The following PKN3 variants were observed in gnomAD, a reference collection of about 807,000 sequenced individuals.
PKN3 encodes protein kinase N3, also known as serine/threonine-protein kinase N3.
PKN3 carries 91 observed loss-of-function variants against 113.1 expected under a neutral mutation model. That is an observed-to-expected ratio of 0.80 (90% CI 0.68 to 0.96). The LOEUF is 0.96. Among genes scored for constraint, PKN3 ranks in the 40% least tolerant of loss-of-function variants. PKN3 has a pLI of 0.00. For missense variants in PKN3, 1,052 were observed against 1,202.2 expected, an observed-to-expected ratio of 0.88 and a Z score of 1.85; for synonymous variants, 467 against 499.0, an observed-to-expected ratio of 0.94 and a Z score of 0.85.
In PKN3 at chr9:128,720,795, C is replaced by A; in HGVS notation, c.*189C>A. 1.6e-6 allele frequency: 1 copy of A among 612,854 alleles called. No homozygotes were observed. Among genetic ancestry groups the A allele is most frequent in the Non-Finnish European group, 2.9e-6 (1 of 348,070 alleles). The allele number at this position is 612,854 out of a possible 1,614,324, so 38.0% of individuals were successfully genotyped here. ...TCACTGGGCAAAGTGTGTCCCTTCC[C>A]CCTCCAGCTCGCCCTCTTCTACCTC... On this transcript the variant is annotated 3_prime_UTR_variant, in exon 22 of 22. Coordinates refer to ENST00000291906, the MANE Select transcript of PKN3 (RefSeq NM_013355.5). The surrounding 1 kb of genome is among the most constrained non-coding windows in gnomAD (Gnocchi z 5.5).
At chr9:128,708,806 G>A (rs1452393302) in intron 6 of PKN3, among the ~76,000 whole-genome samples, 1 of 150,582 alleles carries the variant, frequency 6.6e-6, no homozygotes, top group Non-Finnish European at 1.5e-5. Flanking sequence ...TTGCACTGTT[G>A]CACTCCAGCG....
intron 6 of PKN3, among the ~76,000 whole-genome samples, chr9:128,709,061 G>A (rs1270670905): frequency 9.2e-5 from 14 of 151,906 alleles, no homozygotes; most frequent in South Asian, 2.1e-4. Flanking sequence ...CGAGGCGGGC[G>A]GATCACGAGG....
chr9:128,702,909 C>T lies in PKN3; in HGVS notation c.-7C>T, dbSNP rs1183306605. 6.8e-7 allele frequency: 1 copy of T among 1,481,314 alleles called. No homozygotes were observed. Among genetic ancestry groups the T allele is most frequent in the African/African-American group, 1.5e-5 (1 of 68,134 alleles). The allele number at this position is 1,481,314 out of a possible 1,614,324, so 91.8% of individuals were successfully genotyped here. A position where few individuals can be genotyped will look rare whatever the true frequency, so the allele number is the denominator to read the frequency against. ...AGAGAAGGGCCCCAAGCGGCCGGAGCGGCGCCATGGAGGAGGGGGCGCCGC... is the reference window on the plus strand; with the variant it reads ...AGAGAAGGGCCCCAAGCGGCCGGAGTGGCGCCATGGAGGAGGGGGCGCCGC... On this transcript the variant is annotated 5_prime_UTR_variant, in exon 1 of 22. Coordinates refer to ENST00000291906, the MANE Select transcript of PKN3 (RefSeq NM_013355.5).
At position 128,720,306 on chromosome 9, in the gene PKN3, G is replaced by T; in HGVS notation, c.2457+23G>T. On this transcript the variant is annotated intron_variant, in intron 21 of 21. Transcript: ENST00000291906. The surrounding 1 kb of genome is among the most constrained non-coding windows in gnomAD (Gnocchi z 5.5). Reference sequence around the variant, plus strand: ...AGGGTGAGCGGCTGGGGTGGCGGTGGTCCCCTGTGCCTGGCAGGGTAGGTG... The same window carrying T: ...AGGGTGAGCGGCTGGGGTGGCGGTGTTCCCCTGTGCCTGGCAGGGTAGGTG... 6.2e-7 allele frequency: 1 copy of T among 1,613,066 alleles called. No individual in the cohort carries two copies. The highest frequency in any genetic ancestry group is 8.5e-7 in the Non-Finnish European group (1 of 1,179,366).
chr9:128,705,718 A>G lies in PKN3; in HGVS notation c.266-16A>G. 1 of 1,594,498 alleles carries G rather than the reference A, an allele frequency of 6.3e-7. No individual in the cohort carries two copies. On this transcript the variant is annotated splice_polypyrimidine_tract_variant and intron_variant, in intron 2 of 21. Coordinates refer to ENST00000291906, the MANE Select transcript of PKN3 (RefSeq NM_013355.5). Reference sequence around the variant, plus strand: ...TCTGGGTGAGGGACTCCTGTGCTCGATACCCCCGTGCACAGAGCCTGTGGC... The same window carrying G: ...TCTGGGTGAGGGACTCCTGTGCTCGGTACCCCCGTGCACAGAGCCTGTGGC...
rs1320041925 is a variant in PKN3, at chr9:128,720,794, C to G, written c.*188C>G. ...GTCACTGGGCAAAGTGTGTCCCTTC[C>G]CCCTCCAGCTCGCCCTCTTCTACCT... On this transcript the variant is annotated 3_prime_UTR_variant, in exon 22 of 22. Transcript: ENST00000291906. The surrounding 1 kb of genome is among the most constrained non-coding windows in gnomAD (Gnocchi z 5.5). 4.9e-6 allele frequency: 3 copies of G among 614,432 alleles called. No individual in the cohort carries two copies. In the African/African-American group the frequency reaches 5.5e-5, roughly 11 times the overall value. 38.1% of individuals were successfully genotyped at this position (614,432 alleles called of 1,614,324 possible).
chr9:128,707,104 C>A, intron 5 of PKN3, 81 bp downstream of exon 5: 1 of 1,594,814 alleles, frequency 6.3e-7, no homozygotes, highest in Non-Finnish European at 8.6e-7. Flanking sequence ...GGAGGGTGGC[C>A]GTGTAAAAGC....
chr9:128,703,809 C>T (rs957507757), intron 1 of PKN3: 1 of 985,326 alleles, frequency 1.0e-6, no homozygotes, highest in Admixed American at 6.1e-5. Context: ...CCCCTCCCAC[C>T]CCCTTCCTCT....
chr9:128,703,330 G>C, intron 1 of PKN3: 3 of 977,196 alleles, frequency 3.1e-6, no homozygotes, highest in East Asian at 1.1e-4. Context: ...GGCCTGGGGG[G>C]GTTAGAATGT....
rs374331102 is a variant in PKN3 at position 128,705,758 on chromosome 9, C to T, written c.290C>T (p.Pro97Leu). The change falls in exon 3 of 22, where the codon CCG becomes CTG. Residue 97 changes from proline to leucine, a missense_variant. Around this residue, in one of 2 missense-constraint regions of PKN3, gnomAD observed 719 missense variants for 759.4 expected, o/e 0.95. Coordinates refer to ENST00000291906, the MANE Select transcript of PKN3 (RefSeq NM_013355.5). ...GAGCCTGTGGCCTCAGGACCCCGGC[C>T]GTGGGCAGAGCAGCTCAGGGCTCGG... Reference protein sequence around the residue: ...PAEPVASGPRPWAEQLRARHL... With the variant: ...PAEPVASGPRLWAEQLRARHL... 51 of 1,607,628 alleles carry T rather than the reference C, an allele frequency of 3.2e-5. 1 individual carries two copies. The highest frequency in any genetic ancestry group is 2.5e-4 in the South Asian group (22 of 89,582).
chr9:128,703,622 G>A (rs1382688003), intron 1 of PKN3: 6 of 985,420 alleles, frequency 6.1e-6, no homozygotes, highest in Admixed American at 1.2e-4. Context: ...TGGGAGGGGG[G>A]CATTTGCGGA....
intron 16 of PKN3, among the ~76,000 whole-genome samples, chr9:128,717,861 TAAAAAAA>T (rs67487928): frequency 1.0e-5 from 1 of 97,860 alleles, no homozygotes; most frequent in African/African-American, 4.1e-5. Flanking sequence ...CTATAAAAAC[TAAAAAAA>T]AAAAAAAAAA....
chr9:128,709,005 G>T (rs1034807031), intron 6 of PKN3, among the ~76,000 whole-genome samples: 4 of 151,854 alleles, frequency 2.6e-5, no homozygotes, highest in Non-Finnish European at 4.4e-5. Context: ...TACAAAAATC[G>T]CCGGGCGCGG....
Position 128,714,277 on chromosome 9 carries a change from T to C in PKN3, c.1393T>C (p.Cys465Arg). ...CCTCGTCATGAACCTGCTGCCCCCCTGCAGCTCCCCGAGCACAATCAGCCC... is the reference window on the plus strand; with the variant it reads ...CCTCGTCATGAACCTGCTGCCCCCCCGCAGCTCCCCGAGCACAATCAGCCC... The part of the protein sequence containing the change: ...GRLVMNLLPP[C>R]SSPSTISPPK... Residue 465 changes from cysteine to arginine, a missense_variant, in exon 11 of 22, where the codon TGC becomes CGC. Around this residue, in one of 2 missense-constraint regions of PKN3, gnomAD observed 719 missense variants for 759.4 expected, o/e 0.95. Transcript: ENST00000291906. The C allele has an allele frequency of 6.2e-7, 1 of 1,613,410 alleles. No individual in the cohort carries two copies. The highest frequency in any genetic ancestry group is 8.5e-7 in the Non-Finnish European group (1 of 1,179,666).
Position 128,714,833 on chromosome 9 carries a change from A to C in PKN3, c.1620A>C (p.Arg540=). The part of the protein sequence containing the change: ...TKRPHMEPRT[R]RGPSPPASPT... The stretch of plus-strand genomic sequence containing the variant: ...GTCCCCATATGGAGCCTAGGACTCG[A>C]CGTGGGCCATCTCCACCAGCCTCCC... The change falls in exon 13 of 22, where the codon CGA becomes CGC. Residue 540 remains arginine (R), a synonymous_variant. Coordinates refer to ENST00000291906, the MANE Select transcript of PKN3 (RefSeq NM_013355.5). 6.2e-7 allele frequency: 1 copy of C among 1,614,012 alleles called. No homozygotes were observed. Among genetic ancestry groups the C allele is most frequent in the Non-Finnish European group, 8.5e-7 (1 of 1,179,972 alleles).
Position 128,720,324 on chromosome 9 carries a change from G to C in PKN3, c.2457+41G>C. On this transcript the variant is annotated intron_variant, in intron 21 of 21. Coordinates refer to ENST00000291906, the MANE Select transcript of PKN3 (RefSeq NM_013355.5). This position sits in a 1 kb window ranked among gnomAD's most constrained non-coding sequence, Gnocchi z 5.5. ...GGCGGTGGTCCCCTGTGCCTGGCAG[G>C]GTAGGTGGCATGGAGTGACTCCTGG... 1.2e-6 allele frequency: 2 copies of C among 1,612,290 alleles called. No homozygotes were observed. Among genetic ancestry groups the C allele is most frequent in the Non-Finnish European group, 1.7e-6 (2 of 1,178,956 alleles).
chr9:128,718,304 C>T, intron 16 of PKN3, 21 bp from the exon 17 acceptor site: 9 of 1,611,146 alleles, frequency 5.6e-6, no homozygotes, highest in Non-Finnish European at 7.6e-6. Flanking sequence ...GGCCTGAGTT[C>T]TCCCATAACC....
rs981474029 is a variant in PKN3 at position 128,714,353 on chromosome 9, C to T, written c.1469C>T (p.Pro490Leu). ...TPTTLREASDPATPSNFLPKK... is the reference protein window; with the variant it reads ...TPTTLREASDLATPSNFLPKK... ...ACAACACTGCGAGAGGCCTCTGACCCTGCCACTCCCAGGTGAGGAGCTCCC... is the reference window on the plus strand; with the variant it reads ...ACAACACTGCGAGAGGCCTCTGACCTTGCCACTCCCAGGTGAGGAGCTCCC... The change falls in exon 11 of 22, where the codon CCT (proline) becomes CTT (leucine). Residue 490 changes from proline to leucine, a missense_variant. Around this residue, in one of 2 missense-constraint regions of PKN3, gnomAD observed 719 missense variants for 759.4 expected, o/e 0.95. Transcript: ENST00000291906. 3.7e-6 allele frequency: 6 copies of T among 1,600,696 alleles called. No homozygotes were observed. In the Middle Eastern group the frequency reaches 5.0e-4, roughly 134 times the overall value.
At chr9:128,713,883 T>C (rs541011017) in intron 9 of PKN3, among the ~76,000 whole-genome samples, 163 bp from the exon 10 acceptor site, 1 of 152,296 alleles carries the variant, frequency 6.6e-6, no homozygotes, top group Admixed American at 6.5e-5. Context: ...CCTCTGTTTC[T>C]CCACTAGTAT....
Sources: gnomAD v4.1 joint callset for allele counts (sites outside exome capture counted in the v4.1 genomes callset) on GRCh38, gnomAD v4.1.1 for gene constraint, gnomAD v4.1.1 regional missense constraint, Gnocchi (gnomAD v3.1) non-coding constraint, MANE v1.5 for transcripts, NCBI Gene and HGNC (gene_info 2026-07-23, HGNC 2026-07-21) for gene names.